Variants in MYT1L observed in about 807,000 individuals in gnomAD.
The protein encoded by MYT1L is myelin transcription factor 1-like protein.
A neutral mutation model predicts 126.7 loss-of-function variants in MYT1L; 12 were observed. That is an observed-to-expected ratio of 0.09 (90% confidence interval 0.06 to 0.15). MYT1L has a LOEUF of 0.15. Among genes scored for constraint, MYT1L ranks in the 10% least tolerant of loss-of-function variants. The pLI is 1.00. For missense variants in MYT1L, 979 were observed against 1,585.2 expected (o/e 0.62, Z 6.49); for synonymous variants, 541 against 604.2 (o/e 0.90, Z 1.53).
intron 12 of MYT1L, among the ~76,000 whole-genome samples, chr2:1,911,112 T>C (rs2051909441): frequency 6.6e-6 from 1 of 152,204 alleles, no homozygotes; most frequent in African/African-American, 2.4e-5. Context: ...ACGCTGCGGA[T>C]GCTGCATCGA....
At chr2:2,132,600 C>G (rs577027882) in intron 3 of MYT1L, among the ~76,000 whole-genome samples, 1 of 151,936 alleles carries the variant, frequency 6.6e-6, no homozygotes, top group Non-Finnish European at 1.5e-5. Flanking sequence ...GGAGGGAGAG[C>G]GTTAGAACAA....
intron 5 of MYT1L, among the ~76,000 whole-genome samples, chr2:1,983,474 G>A (rs148094660): frequency 1.1e-4 from 17 of 152,342 alleles, no homozygotes; most frequent in African/African-American, 3.8e-4. Flanking sequence ...AGCATAAAAC[G>A]TATGGTCTGA....
chr2:2,112,100 C>T (rs2079539313), intron 3 of MYT1L, among the ~76,000 whole-genome samples: 1 of 152,218 alleles, frequency 6.6e-6, no homozygotes, highest in Admixed American at 6.5e-5. Context: ...AGAGCCCCCT[C>T]CCGTGTTTGC....
chr2:2,063,418 G>A (rs2070793796), intron 3 of MYT1L, among the ~76,000 whole-genome samples: 1 of 152,138 alleles, frequency 6.6e-6, no homozygotes, highest in South Asian at 2.1e-4. Flanking sequence ...CTTTTCACAT[G>A]GGCGGGGCCT....
Position 2,185,781 on chromosome 2 carries a change from A to G in MYT1L, c.-420-12793T>C, listed in dbSNP as rs1423108977. Among the ~76,000 whole-genome samples, 132 of 105,736 alleles carry G rather than the reference A, an allele frequency of 1.2e-3. 1 individual carries two copies. The highest frequency in any genetic ancestry group is 2.0e-3 in the Non-Finnish European group (110 of 53,758). The allele number at this position is 105,736 out of a possible 152,430, so 69.4% of individuals were successfully genotyped here. A position where few individuals can be genotyped will look rare whatever the true frequency, so the allele number is the denominator to read the frequency against. On this transcript the variant is annotated intron_variant, in intron 2 of 24. Coordinates refer to ENST00000647738, the MANE Select transcript of MYT1L (RefSeq NM_001303052.2). ...CGCCCGCGTTCCTTACGTGAGGGGG[A>G]CGCAGCCGGGCCTTCCGGGCCTTCC...
intron 4 of MYT1L, among the ~76,000 whole-genome samples, chr2:2,014,902 T>G (rs1429884357): frequency 2.6e-5 from 4 of 152,116 alleles, no homozygotes; most frequent in Admixed American, 6.5e-5. Flanking sequence ...AAGGCTTTGG[T>G]GAGTCAGGAT....
At chr2:1,903,948 T>C (rs148268202) in intron 13 of MYT1L, among the ~76,000 whole-genome samples, 8,895 of 150,918 alleles carry the variant, frequency 0.059, 759 homozygotes, top group African/African-American at 0.2. Context: ...TGTGTGTGTG[T>C]GCGCGTGCGC....
intron 1 of MYT1L, among the ~76,000 whole-genome samples, chr2:2,323,797 A>G (rs539392921): frequency 9.8e-4 from 150 of 152,298 alleles, no homozygotes; most frequent in Non-Finnish European, 1.4e-3. Context: ...AATTTTCACA[A>G]TCTCCAGTAA....
intron 2 of MYT1L, among the ~76,000 whole-genome samples, chr2:2,191,377 G>A (rs2092581139): frequency 6.6e-6 from 1 of 152,162 alleles, no homozygotes; most frequent in African/African-American, 2.4e-5. Context: ...GAGACTCAGG[G>A]AAAATGTCAG....
At chr2:2,002,482 G>C (rs928712145) in intron 4 of MYT1L, among the ~76,000 whole-genome samples, 1 of 152,214 alleles carries the variant, frequency 6.6e-6, no homozygotes, top group Non-Finnish European at 1.5e-5. Flanking sequence ...GATGCCACTG[G>C]TAAGTGTCAG....
At chr2:2,154,730 G>A (rs990291315) in intron 3 of MYT1L, among the ~76,000 whole-genome samples, 4 of 152,206 alleles carry the variant, frequency 2.6e-5, no homozygotes, top group African/African-American at 9.6e-5. Flanking sequence ...TAAGGTGCTA[G>A]ACCTAATGCC....
Position 1,929,914 on chromosome 2 carries a change from G to A in MYT1L, c.506-6651C>T, listed in dbSNP as rs186642088. 1.4e-3 allele frequency among the ~76,000 whole-genome samples: 214 copies of A among 152,274 alleles called. 1 individual carries two copies. Among genetic ancestry groups the A allele is most frequent in the African/African-American group, 4.9e-3 (203 of 41,562 alleles). On this transcript the variant is annotated intron_variant, in intron 9 of 24. Transcript: ENST00000647738. The surrounding 1 kb of genome is among the most constrained non-coding windows in gnomAD (Gnocchi z 4.7). ...AGCCTTTCCTCTACCTTTCAAAACC[G>A]GGACATATTCGGAGGGTCACAACGC...
chr2:2,133,841 G>A (rs2082687873), intron 3 of MYT1L, among the ~76,000 whole-genome samples: 1 of 152,000 alleles, frequency 6.6e-6, no homozygotes, highest in Non-Finnish European at 1.5e-5. Flanking sequence ...GGGTGCTTAG[G>A]GACACACCAC....
At chr2:2,074,364 C>A (rs1056987861) in intron 3 of MYT1L, among the ~76,000 whole-genome samples, 1 of 152,140 alleles carries the variant, frequency 6.6e-6, no homozygotes. Context: ...TGACTGGCTG[C>A]CTTAACACAT....
intron 2 of MYT1L, among the ~76,000 whole-genome samples, chr2:2,261,964 G>T (rs998974710): frequency 6.6e-6 from 1 of 152,164 alleles, no homozygotes; most frequent in African/African-American, 2.4e-5. Flanking sequence ...TCCCAAAAAG[G>T]TAATATTAAA....
At chr2:2,280,447 T>C (rs1559538486) in intron 2 of MYT1L, among the ~76,000 whole-genome samples, 2 of 152,184 alleles carry the variant, frequency 1.3e-5, no homozygotes, top group Non-Finnish European at 2.9e-5. Context: ...AGTAAAGGTG[T>C]TCACCTGCCC....
intron 4 of MYT1L, among the ~76,000 whole-genome samples, chr2:2,012,143 T>C (rs951220390): frequency 6.6e-6 from 1 of 152,240 alleles, no homozygotes; most frequent in African/African-American, 2.4e-5. Context: ...ACTGTAACTT[T>C]ATTTGTGACA....
At position 1,882,031 on chromosome 2, in the gene MYT1L, C is replaced by T. The variant is rs12474490; in HGVS notation, c.2711+4508G>A. Among the ~76,000 whole-genome samples the T allele has an allele frequency of 4.1e-3, 632 of 152,296 alleles. 9 individuals are homozygous for T. Among genetic ancestry groups the T allele is most frequent in the East Asian group, 0.041 (211 of 5,176 alleles). ...TCTACATCTCAACTGGGCAGTCCAA[C>T]CACCTGTTCCTCAGTTCTCACATCC... On this transcript the variant is annotated intron_variant, in intron 18 of 24. Transcript: ENST00000647738.
intron 23 of MYT1L, among the ~76,000 whole-genome samples, chr2:1,797,165 G>T (rs1306552959): frequency 2.0e-5 from 3 of 152,154 alleles, no homozygotes; most frequent in African/African-American, 7.2e-5. Context: ...GGGAAACGCA[G>T]ACCCCACAGG....
Sources: allele counts gnomAD v4.1 joint callset (sites outside exome capture counted in the v4.1 genomes callset), GRCh38; gene constraint gnomAD v4.1.1; non-coding constraint Gnocchi (gnomAD v3.1); transcripts MANE v1.5; gene names NCBI Gene and HGNC (gene_info 2026-07-23, HGNC 2026-07-21).